Variants in CNTN4 observed in about 807,000 individuals in gnomAD.
CNTN4 encodes the protein contactin 4, also known as contactin-4.
In CNTN4, 77 loss-of-function variants were observed where a neutral mutation model predicts 122.5. That is an observed-to-expected ratio of 0.63 (90% confidence interval 0.52 to 0.76). The LOEUF is 0.76. Ranked by LOEUF, CNTN4 falls within the 30% of genes least tolerant of loss-of-function variation. The pLI, the probability that CNTN4 is intolerant of heterozygous loss-of-function variation, is 0.00. For synonymous variants in CNTN4, 512 were observed against 447.0 expected (o/e 1.15, Z -1.83); for missense variants, 1,256 against 1,259.1 (o/e 1.00, Z 0.04).
intron 4 of CNTN4, among the ~76,000 whole-genome samples, chr3:2,733,883 T>A (rs1028116759): frequency 6.6e-6 from 1 of 152,150 alleles, no homozygotes; most frequent in African/African-American, 2.4e-5. Flanking sequence ...CTTTCATAAA[T>A]CTTCTCTTTT....
intron 2 of CNTN4, among the ~76,000 whole-genome samples, chr3:2,125,894 GGTGTGT>G (rs61706367): frequency 0.01 from 1,443 of 143,464 alleles, 18 homozygotes; most frequent in African/African-American, 0.016. Context: ...TTTTATTTCT[GGTGTGT>G]GTGTGTGTGT....
intron 3 of CNTN4, among the ~76,000 whole-genome samples, chr3:2,381,295 T>C (rs1976359): frequency 0.94 from 142,957 of 152,170 alleles, 67,194 homozygotes; most frequent in East Asian, 1. Context: ...CGTGAGCCAC[T>C]GCGCCTGGCC....
intron 4 of CNTN4, among the ~76,000 whole-genome samples, chr3:2,727,582 A>T (rs373117452): frequency 6.6e-6 from 1 of 152,210 alleles, no homozygotes; most frequent in African/African-American, 2.4e-5. Context: ...TTCCACGCCT[A>T]AAAATCCTCG....
At chr3:2,499,807 T>C (rs1196748142) in intron 3 of CNTN4, among the ~76,000 whole-genome samples, 1 of 152,158 alleles carries the variant, frequency 6.6e-6, no homozygotes, top group Non-Finnish European at 1.5e-5. Context: ...ATTAAGCCCA[T>C]ATATTTCTTT....
chr3:2,537,650 T>C (rs908925868), intron 3 of CNTN4, among the ~76,000 whole-genome samples: 3 of 152,104 alleles, frequency 2.0e-5, no homozygotes, highest in Non-Finnish European at 2.9e-5. Context: ...AGATTCATCC[T>C]TACCACTAGC....
In CNTN4 at chr3:2,834,054, G is replaced by A. The variant is rs2093161529; in HGVS notation, c.454+14473G>A. On this transcript the variant is annotated intron_variant, in intron 7 of 24. Coordinates refer to ENST00000418658, the MANE Select transcript of CNTN4 (RefSeq NM_175607.3). ...CCAGCTACTCGGGAGGCTGAGGCAG[G>A]AGAATCACTTGATCACGGGAGGCAG... 3.3e-5 allele frequency among the ~76,000 whole-genome samples: 5 copies of A among 152,106 alleles called. No homozygotes were observed. In the South Asian group the frequency reaches 1.0e-3, roughly 32 times the overall value.
chr3:2,714,427 T>A (rs1446571271), intron 4 of CNTN4, among the ~76,000 whole-genome samples: 2 of 152,068 alleles, frequency 1.3e-5, no homozygotes, highest in Non-Finnish European at 2.9e-5. Context: ...AGTGGGGAAG[T>A]GTTGGGGTTG....
chr3:2,834,439 G>A (rs1231518637), intron 7 of CNTN4, among the ~76,000 whole-genome samples: 1 of 152,000 alleles, frequency 6.6e-6, no homozygotes, highest in Non-Finnish European at 1.5e-5. Flanking sequence ...GGTGGTGCAT[G>A]TTTGTAATCC....
At chr3:2,472,153 C>CAA (rs570896250) in intron 3 of CNTN4, among the ~76,000 whole-genome samples, 6 of 91,010 alleles carry the variant, frequency 6.6e-5, no homozygotes, top group African/African-American at 2.0e-4. Context: ...AATTCCATCT[C>CAA]AAAAAAAAAA....
intron 3 of CNTN4, among the ~76,000 whole-genome samples, chr3:2,390,100 T>G (rs1317066937): frequency 6.6e-6 from 1 of 152,084 alleles, no homozygotes; most frequent in Non-Finnish European, 1.5e-5. Flanking sequence ...CAGATGACAG[T>G]TTTACTGTGG....
chr3:2,288,288 G>A (rs2042013231), intron 2 of CNTN4, among the ~76,000 whole-genome samples: 1 of 152,134 alleles, frequency 6.6e-6, no homozygotes, highest in Non-Finnish European at 1.5e-5. Flanking sequence ...AGGGCCTCAG[G>A]CTGCTTCCAC....
intron 2 of CNTN4, among the ~76,000 whole-genome samples, chr3:2,108,536 C>T (rs542388339): frequency 4.6e-5 from 7 of 152,190 alleles, no homozygotes; most frequent in South Asian, 2.1e-4. Context: ...ACATGCCACT[C>T]GGTGCAATGG....
intron 4 of CNTN4, among the ~76,000 whole-genome samples, chr3:2,668,492 G>A (rs1047326027): frequency 2.6e-5 from 4 of 152,198 alleles, no homozygotes; most frequent in Non-Finnish European, 2.9e-5. Context: ...GAGATTTTGG[G>A]CTGAGACAAT....
intron 2 of CNTN4, among the ~76,000 whole-genome samples, chr3:2,208,434 G>C (rs1261141011): frequency 6.6e-6 from 1 of 152,132 alleles, no homozygotes; most frequent in African/African-American, 2.4e-5. Flanking sequence ...AGTTGAAATG[G>C]ATAAGGAGTT....
chr3:2,376,699 A>AAT (rs1250948245), intron 3 of CNTN4, among the ~76,000 whole-genome samples: 1 of 151,528 alleles, frequency 6.6e-6, no homozygotes, highest in Non-Finnish European at 1.5e-5. Flanking sequence ...AAAAAAAAAA[A>AAT]AAAAAAGGTC....
intron 2 of CNTN4, among the ~76,000 whole-genome samples, chr3:2,265,719 T>C (rs946286187): frequency 3.3e-5 from 5 of 151,900 alleles, no homozygotes; most frequent in South Asian, 4.1e-4. Context: ...TTCTTCATTT[T>C]TAATGTTCTT....
intron 13 of CNTN4, among the ~76,000 whole-genome samples, chr3:2,936,089 G>T (rs1317420044): frequency 6.6e-6 from 1 of 152,212 alleles, no homozygotes; most frequent in Non-Finnish European, 1.5e-5. Context: ...CTGGGAAACA[G>T]AGTGAAGTAA....
chr3:2,533,388 AT>A (rs565944798), intron 3 of CNTN4, among the ~76,000 whole-genome samples: 2 of 151,466 alleles, frequency 1.3e-5, no homozygotes, highest in Admixed American at 1.3e-4. Context: ...GCAGTGTTTG[AT>A]TTTTTGTCCT....
chr3:2,146,130 A>G (rs969652442), intron 2 of CNTN4, among the ~76,000 whole-genome samples: 1 of 151,602 alleles, frequency 6.6e-6, no homozygotes, highest in African/African-American at 2.4e-5. Context: ...GATATTTTTT[A>G]TCTATATTTG....
Sources: allele counts gnomAD v4.1 joint callset (sites outside exome capture counted in the v4.1 genomes callset), GRCh38; gene constraint gnomAD v4.1.1; transcripts MANE v1.5; gene names NCBI Gene and HGNC (gene_info 2026-07-23, HGNC 2026-07-21).